Variants in PTBP3 observed in about 807,000 individuals in gnomAD.
PTBP3 encodes polypyrimidine tract binding protein 3.
In PTBP3, 20 loss-of-function variants were observed where a neutral mutation model predicts 58.7. The observed-to-expected ratio is 0.34, with a 90% confidence interval of 0.24 to 0.50. PTBP3 has a LOEUF of 0.50. PTBP3 is among the 20% of genes least tolerant of loss of function. The pLI, the probability that PTBP3 is intolerant of heterozygous loss-of-function variation, is 0.98. For synonymous variants in PTBP3, 185 were observed against 219.8 expected, an observed-to-expected ratio of 0.84 and a Z score of 1.40; for missense variants, 509 against 637.2, an observed-to-expected ratio of 0.80 and a Z score of 2.17.
At chr9:112,224,800 A>C (rs1248653901) in intron 12 of PTBP3, among the ~76,000 whole-genome samples, 1 of 152,220 alleles carries the variant, frequency 6.6e-6, no homozygotes, top group Non-Finnish European at 1.5e-5. Flanking sequence ...TGTGGTTTCT[A>C]CTATGTCCTC....
the PTBP3 span, among the ~76,000 whole-genome samples, chr9:112,360,604 A>G: frequency 2.0e-5 from 3 of 152,324 alleles, no homozygotes; most frequent in Admixed American, 6.5e-5. Context: ...GCTCTGAGTC[A>G]CATTATATTG....
At chr9:112,293,281 C>A (rs959007414) in intron 2 of PTBP3, among the ~76,000 whole-genome samples, 1 of 152,134 alleles carries the variant, frequency 6.6e-6, no homozygotes. Context: ...TTAGCAATGG[C>A]CTGTTTCTTG....
chr9:112,365,172 G>C, the PTBP3 span, among the ~76,000 whole-genome samples: 226 of 17,398 alleles, frequency 0.013, no homozygotes, highest in Middle Eastern at 0.11. Flanking sequence ...ATCTATCTAT[G>C]TATCTATATA....
the PTBP3 span, among the ~76,000 whole-genome samples, chr9:112,359,403 G>A: frequency 1.4e-4 from 21 of 152,202 alleles, no homozygotes; most frequent in Middle Eastern, 3.4e-3. Flanking sequence ...CTGAGATCGC[G>A]CCACTGCACT....
At chr9:112,358,813 C>T in the PTBP3 span, among the ~76,000 whole-genome samples, 3 of 152,048 alleles carry the variant, frequency 2.0e-5, no homozygotes, top group Non-Finnish European at 2.9e-5. Flanking sequence ...GGAGTACATT[C>T]ACAAAAAGGA....
upstream of PTBP3, among the ~76,000 whole-genome samples, chr9:112,334,004 C>A (rs976820747): frequency 6.6e-6 from 1 of 151,676 alleles, no homozygotes; most frequent in Non-Finnish European, 1.5e-5. Flanking sequence ...TTGAATGCCT[C>A]CCTCTGCCGG....
At chr9:112,344,077 TAAAC>T in the PTBP3 span, among the ~76,000 whole-genome samples, 1 of 152,208 alleles carries the variant, frequency 6.6e-6, no homozygotes, top group Non-Finnish European at 1.5e-5. Context: ...TGTCTTCTGA[TAAAC>T]AAAAACTTTT....
At chr9:112,231,801 G>A (rs1289890975) in intron 9 of PTBP3, among the ~76,000 whole-genome samples, 1 of 151,722 alleles carries the variant, frequency 6.6e-6, no homozygotes, top group Non-Finnish European at 1.5e-5. Context: ...CTAGCTACCT[G>A]AGAGCCTGAG....
chr9:112,265,171 A>G (rs1037213397), intron 4 of PTBP3, among the ~76,000 whole-genome samples: 7 of 32,930 alleles, frequency 2.1e-4, no homozygotes, highest in Non-Finnish European at 3.2e-4. Flanking sequence ...TTAATTTCTG[A>G]AAAAAGAGTA....
rs1200772590 is a variant in PTBP3, at chr9:112,297,826, A to C, written c.34+6T>G. ...ATCAAATATTAAAAAAAAAAAAAAA[A>C]CTCACCATACACACCTGTAGAAGGA... On this transcript the variant is annotated splice_donor_region_variant and intron_variant, in intron 2 of 13. Transcript: ENST00000374257. 9.7e-6 allele frequency: 15 copies of C among 1,548,212 alleles called. No individual in the cohort carries two copies. The highest frequency in any genetic ancestry group is 8.7e-5 in the South Asian group (7 of 80,706).
rs537932082 is a variant in PTBP3 at position 112,250,414 on chromosome 9, T to A, written c.802+515A>T. Among the ~76,000 whole-genome samples, 6 of 152,304 alleles carry A rather than the reference T, an allele frequency of 3.9e-5. No individual in the cohort carries two copies. The South Asian group carries it at 1.2e-3, about 32-fold the overall frequency. ...TTTGCAGAGACAATTTAGAAGGCTGTATTTTTACTAATGCAAAATGCAACT... is the reference window on the plus strand; with the variant it reads ...TTTGCAGAGACAATTTAGAAGGCTGAATTTTTACTAATGCAAAATGCAACT... On this transcript the variant is annotated intron_variant, in intron 7 of 13. Coordinates refer to ENST00000374257, the MANE Select transcript of PTBP3 (RefSeq NM_001163788.4).
intron 2 of PTBP3, among the ~76,000 whole-genome samples, chr9:112,285,753 C>A (rs971513118): frequency 6.6e-6 from 1 of 152,118 alleles, no homozygotes; most frequent in Non-Finnish European, 1.5e-5. Flanking sequence ...GTATTTTTCA[C>A]GATTTTAAAT....
At chr9:112,355,913 C>T in the PTBP3 span, among the ~76,000 whole-genome samples, 233 of 151,650 alleles carry the variant, frequency 1.5e-3, no homozygotes, top group African/African-American at 5.2e-3. Flanking sequence ...CACCACACCC[C>T]ACCTGGAAAT....
At chr9:112,232,053 T>C (rs911028770) in intron 9 of PTBP3, 46 bp downstream of exon 9, 12 of 1,254,530 alleles carry the variant, frequency 9.6e-6, no homozygotes, top group Non-Finnish European at 1.3e-5. Context: ...AGTGCTACTA[T>C]ACCTTCTCCT....
Position 112,222,220 on chromosome 9 carries a change from A to T in PTBP3, c.*1631T>A, listed in dbSNP as rs1834832552. 1.0e-6 allele frequency: 1 copy of T among 980,360 alleles called. No homozygotes were observed. The highest frequency in any genetic ancestry group is 1.7e-5 in the African/African-American group (1 of 57,152). 60.7% of individuals were successfully genotyped at this position (980,360 alleles called of 1,614,324 possible). On this transcript the variant is annotated 3_prime_UTR_variant, in exon 14 of 14. Coordinates refer to ENST00000374257, the MANE Select transcript of PTBP3 (RefSeq NM_001163788.4). The stretch of plus-strand genomic sequence containing the variant: ...AATTCTGCTTTAAAAAATTCTGATC[A>T]ACAATTGAAGAAATAATAGCAAAGT...
At chr9:112,305,234 T>C (rs1050710351) in intron 1 of PTBP3, among the ~76,000 whole-genome samples, 10 of 151,126 alleles carry the variant, frequency 6.6e-5, no homozygotes, top group African/African-American at 2.4e-4. Context: ...AATCTCTAAG[T>C]CCTTGAAATA....
intron 8 of PTBP3, 46 bp from the exon 9 acceptor site, chr9:112,232,284 A>C: frequency 6.8e-7 from 1 of 1,472,290 alleles, no homozygotes; most frequent in Non-Finnish European, 9.3e-7. Flanking sequence ...TATTTGAAGA[A>C]CTGTAACACT....
At chr9:112,282,410 T>C (rs1363611446) in intron 2 of PTBP3, among the ~76,000 whole-genome samples, 1 of 152,186 alleles carries the variant, frequency 6.6e-6, no homozygotes. Context: ...TATCTACTTG[T>C]AGGGTTTAAC....
the PTBP3 span, among the ~76,000 whole-genome samples, chr9:112,370,284 G>A: frequency 6.6e-6 from 1 of 152,158 alleles, no homozygotes; most frequent in Non-Finnish European, 1.5e-5. Flanking sequence ...GCTCATGCCT[G>A]TAATCCCAGC....
Sources: gnomAD v4.1 joint callset for allele counts (sites outside exome capture counted in the v4.1 genomes callset) on GRCh38, gnomAD v4.1.1 for gene constraint, MANE v1.5 for transcripts, NCBI Gene and HGNC (gene_info 2026-07-23, HGNC 2026-07-21) for gene names.